ADAMTS17: variants seen among roughly 807,000 people sequenced by gnomAD.
ADAMTS17 encodes ADAM metallopeptidase with thrombospondin type 1 motif 17.
In ADAMTS17, 113 loss-of-function variants were observed where a neutral mutation model predicts 141.5. That is an observed-to-expected ratio of 0.80 (90% CI 0.69 to 0.93). ADAMTS17 has a LOEUF of 0.93. Ranked by LOEUF, ADAMTS17 falls within the 40% of genes least tolerant of loss-of-function variation. The pLI is 0.00. For missense variants in ADAMTS17, 1,659 were observed against 1,517.9 expected, an observed-to-expected ratio of 1.09 and a Z score of -1.54; for synonymous variants, 768 against 630.6, an observed-to-expected ratio of 1.22 and a Z score of -3.27.
At chr15:100,029,779 G>T (rs1303484940) in intron 18 of ADAMTS17, among the ~76,000 whole-genome samples, 1 of 152,224 alleles carries the variant, frequency 6.6e-6, no homozygotes, top group Non-Finnish European at 1.5e-5. Context: ...CAAATCTGGT[G>T]ATTTCCACCA....
chr15:100,229,031 C>T (rs2042396111), intron 7 of ADAMTS17, among the ~76,000 whole-genome samples: 1 of 152,164 alleles, frequency 6.6e-6, no homozygotes, highest in African/African-American at 2.4e-5. Flanking sequence ...CATTTGGGCC[C>T]CCTTCTCCAA....
chr15:100,054,967 G>A (rs16843), intron 15 of ADAMTS17, among the ~76,000 whole-genome samples: 34,110 of 152,098 alleles, frequency 0.22, 3,993 homozygotes, highest in East Asian at 0.44. Flanking sequence ...ACAGCACTCT[G>A]CAGTGACATC....
chr15:100,222,326 G>A (rs1374235148), intron 7 of ADAMTS17, among the ~76,000 whole-genome samples: 1 of 152,150 alleles, frequency 6.6e-6, no homozygotes, highest in Non-Finnish European at 1.5e-5. Context: ...CCATGCTGGC[G>A]GGCAGACCAG....
intron 3 of ADAMTS17, among the ~76,000 whole-genome samples, chr15:100,301,595 C>T (rs543739382): frequency 2.0e-5 from 3 of 151,136 alleles, no homozygotes; most frequent in African/African-American, 4.9e-5. Flanking sequence ...CCTCCCAAAG[C>T]GCTGGGATTA....
At chr15:100,190,574 G>A (rs963920102) in intron 8 of ADAMTS17, among the ~76,000 whole-genome samples, 4 of 152,180 alleles carry the variant, frequency 2.6e-5, no homozygotes, top group South Asian at 2.1e-4. Flanking sequence ...ATGGTTGACC[G>A]GAGCAAGGGC....
chr15:100,095,076 A>G (rs2035679165), intron 15 of ADAMTS17, among the ~76,000 whole-genome samples: 2 of 152,138 alleles, frequency 1.3e-5, no homozygotes, highest in Non-Finnish European at 2.9e-5. Flanking sequence ...TACAGTTTGG[A>G]TCGTCTCCAG....
intron 3 of ADAMTS17, among the ~76,000 whole-genome samples, chr15:100,329,863 G>A (rs1037452190): frequency 1.3e-5 from 2 of 152,186 alleles, no homozygotes; most frequent in South Asian, 4.1e-4. Context: ...CAAATAACAA[G>A]GTAATTCTAA....
At chr15:99,980,615 G>A (rs1242766102) in intron 20 of ADAMTS17, 1 of 152,278 alleles carries the variant, frequency 6.6e-6, no homozygotes, top group Admixed American at 6.5e-5. Context: ...GCCAGCTGGG[G>A]AGTCAGTCCC....
chr15:100,191,788 G>A (rs555619488), intron 8 of ADAMTS17, among the ~76,000 whole-genome samples: 32 of 152,282 alleles, frequency 2.1e-4, no homozygotes, highest in African/African-American at 7.2e-4. Flanking sequence ...GTGAGAGAAA[G>A]GGAGAGGGGA....
intron 14 of ADAMTS17, among the ~76,000 whole-genome samples, chr15:100,103,954 C>T (rs554372283): frequency 9.2e-5 from 14 of 152,328 alleles, no homozygotes; most frequent in Admixed American, 8.5e-4. Flanking sequence ...GTACTTCCTT[C>T]ACTGAAGAAG....
chr15:100,232,756 C>G (rs1437378428), intron 7 of ADAMTS17, among the ~76,000 whole-genome samples: 1 of 152,176 alleles, frequency 6.6e-6, no homozygotes, highest in Non-Finnish European at 1.5e-5. Context: ...GGACACCCTG[C>G]CCAGGCCCTC....
At chr15:100,004,167 G>A (rs1456011929) in intron 18 of ADAMTS17, among the ~76,000 whole-genome samples, 3 of 152,248 alleles carry the variant, frequency 2.0e-5, no homozygotes, top group Admixed American at 1.3e-4. Flanking sequence ...GGGTGCACAC[G>A]TTCACACCTG....
intron 8 of ADAMTS17, among the ~76,000 whole-genome samples, chr15:100,161,613 T>C (rs1425887343): frequency 6.6e-6 from 1 of 152,228 alleles, no homozygotes; most frequent in Admixed American, 6.5e-5. Flanking sequence ...TGTGTATTTG[T>C]TATTGCTAAT....
chr15:100,245,041 T>C lies in ADAMTS17; in HGVS notation c.1075+9095A>G, dbSNP rs149095898. On this transcript the variant is annotated intron_variant, in intron 7 of 21. Transcript: ENST00000268070. Reference sequence around the variant, plus strand: ...AGCCGCACTGTAAGGCAATGGAGCATGCAACTGCATTCCAAGCTTGCCATG... The same window carrying C: ...AGCCGCACTGTAAGGCAATGGAGCACGCAACTGCATTCCAAGCTTGCCATG... Among the ~76,000 whole-genome samples the C allele has an allele frequency of 5.9e-3, 905 of 152,288 alleles. 10 individuals are homozygous for C. Among genetic ancestry groups the C allele is most frequent in the African/African-American group, 0.021 (855 of 41,562 alleles).
At chr15:100,196,222 G>C (rs1356330946) in intron 8 of ADAMTS17, among the ~76,000 whole-genome samples, 1 of 152,232 alleles carries the variant, frequency 6.6e-6, no homozygotes, top group Non-Finnish European at 1.5e-5. Flanking sequence ...AATAAATTAT[G>C]TTTGATTTAA....
Position 99,972,944 on chromosome 15 carries a change from G to A in ADAMTS17, c.*1458C>T, listed in dbSNP as rs2141249144. ...GAGATGATCCCATGGAAGTCCAAGT[G>A]AGACCTTCCGTCTGAAATCAGGGAG... On this transcript the variant is annotated 3_prime_UTR_variant, in exon 22 of 22. Transcript: ENST00000268070. 1 of 152,360 alleles carries A rather than the reference G, an allele frequency of 6.6e-6. No homozygotes were observed. Among genetic ancestry groups the A allele is most frequent in the Non-Finnish European group, 1.5e-5 (1 of 68,048 alleles). 9.4% of individuals were successfully genotyped at this position (152,360 alleles called of 1,614,324 possible).
chr15:100,144,852 G>A (rs1262336305), intron 10 of ADAMTS17, among the ~76,000 whole-genome samples: 1 of 151,312 alleles, frequency 6.6e-6, no homozygotes, highest in African/African-American at 2.4e-5. Flanking sequence ...TCATCTTGAG[G>A]CAGGCAAGCT....
chr15:99,998,263 TG>T (rs2060845979), intron 18 of ADAMTS17, among the ~76,000 whole-genome samples: 1 of 152,162 alleles, frequency 6.6e-6, no homozygotes, highest in Non-Finnish European at 1.5e-5. Context: ...TTGTGGGCCA[TG>T]GGAAGACAGA....
intron 18 of ADAMTS17, among the ~76,000 whole-genome samples, chr15:100,002,938 G>C (rs1233304578): frequency 6.6e-6 from 1 of 152,094 alleles, no homozygotes; most frequent in Admixed American, 6.5e-5. Flanking sequence ...CACATGAGGT[G>C]TAGGTGCAGC....
Sources: allele counts gnomAD v4.1 joint callset (sites outside exome capture counted in the v4.1 genomes callset), GRCh38; gene constraint gnomAD v4.1.1; transcripts MANE v1.5; gene names NCBI Gene and HGNC (gene_info 2026-07-23, HGNC 2026-07-21).